Variants in DCLK2 observed in about 807,000 individuals in gnomAD.
DCLK2 encodes serine/threonine-protein kinase DCLK2.
DCLK2 carries 31 observed loss-of-function variants against 78.4 expected under a neutral mutation model. The ratio of observed to expected loss-of-function variants is 0.40; its 90% confidence interval spans 0.30 to 0.53. The LOEUF is 0.53. Ranked by LOEUF, DCLK2 falls within the 20% of genes least tolerant of loss-of-function variation. The pLI is 0.61. For synonymous variants in DCLK2, 407 were observed against 374.9 expected, an observed-to-expected ratio of 1.09 and a Z score of -0.99; for missense variants, 872 against 973.7, an observed-to-expected ratio of 0.90 and a Z score of 1.39.
At chr4:150,132,338 A>T (rs1414115499) in intron 2 of DCLK2, among the ~76,000 whole-genome samples, 1 of 152,194 alleles carries the variant, frequency 6.6e-6, no homozygotes, top group Non-Finnish European at 1.5e-5. Context: ...GGAAATTTAA[A>T]ATTCAGTGGG....
intron 1 of DCLK2, among the ~76,000 whole-genome samples, chr4:150,085,218 G>A (rs1312776939): frequency 1.3e-5 from 2 of 152,174 alleles, no homozygotes; most frequent in African/African-American, 2.4e-5. Flanking sequence ...CACCTGAGAG[G>A]AAATGGAGTC....
At chr4:150,121,338 T>A (rs1462119162) in intron 2 of DCLK2, among the ~76,000 whole-genome samples, 1 of 145,744 alleles carries the variant, frequency 6.9e-6, no homozygotes, top group Non-Finnish European at 1.5e-5. Context: ...ATATTCTAAA[T>A]CCTTTGTTGC....
chr4:150,220,474 A>T (rs902619982), intron 5 of DCLK2, among the ~76,000 whole-genome samples: 1 of 152,208 alleles, frequency 6.6e-6, no homozygotes, highest in Non-Finnish European at 1.5e-5. Flanking sequence ...ATAATTTCAA[A>T]AAAAGGTAAC....
chr4:150,136,524 G>T (rs1733692310), intron 2 of DCLK2, among the ~76,000 whole-genome samples: 1 of 152,224 alleles, frequency 6.6e-6, no homozygotes, highest in African/African-American at 2.4e-5. Context: ...AAGGAATGGG[G>T]TTTTTGTTTT....
At chr4:150,209,982 G>A (rs1053297405) in intron 5 of DCLK2, among the ~76,000 whole-genome samples, 1 of 152,198 alleles carries the variant, frequency 6.6e-6, no homozygotes, top group Non-Finnish European at 1.5e-5. Flanking sequence ...GGCTGAAGCA[G>A]GAGAATCCCT....
intron 2 of DCLK2, among the ~76,000 whole-genome samples, chr4:150,125,189 C>T (rs571298138): frequency 1.1e-3 from 168 of 152,132 alleles, no homozygotes; most frequent in Non-Finnish European, 1.8e-3. Context: ...GAACTTTTGT[C>T]CTTTGGTTTT....
In DCLK2 at chr4:150,239,724, G is replaced by T. The variant is rs745473196; in HGVS notation, c.1567-18G>T. 6.2e-7 allele frequency: 1 copy of T among 1,610,172 alleles called. No individual in the cohort carries two copies. Among genetic ancestry groups the T allele is most frequent in the Admixed American group, 1.7e-5 (1 of 59,032 alleles). On this transcript the variant is annotated intron_variant, in intron 10 of 15. Coordinates refer to ENST00000296550, the MANE Select transcript of DCLK2 (RefSeq NM_001040260.4). ...AGGAAAAAAAAATCTTCTGATTGTT[G>T]GCTGATTTCTGTTTCAGGTGTGTGA...
intron 4 of DCLK2, 73 bp downstream of exon 4, chr4:150,198,176 T>A: frequency 1.5e-6 from 2 of 1,374,102 alleles, no homozygotes; most frequent in Non-Finnish European, 1.0e-6. Flanking sequence ...CTAATTTTTA[T>A]GAATTAGTAG....
At chr4:150,158,989 A>C (rs1422550230) in intron 2 of DCLK2, among the ~76,000 whole-genome samples, 1 of 152,204 alleles carries the variant, frequency 6.6e-6, no homozygotes, top group Non-Finnish European at 1.5e-5. Flanking sequence ...CTTAGGGAGT[A>C]TGTTGAGAAG....
intron 2 of DCLK2, among the ~76,000 whole-genome samples, chr4:150,120,997 G>C (rs1732493981): frequency 1.3e-5 from 2 of 152,144 alleles, no homozygotes; most frequent in South Asian, 4.1e-4. Context: ...CTTATACCTG[G>C]GGGGCAGAGG....
intron 2 of DCLK2, among the ~76,000 whole-genome samples, chr4:150,143,284 G>A (rs575517671): frequency 4.9e-4 from 75 of 152,034 alleles, no homozygotes; most frequent in Middle Eastern, 3.4e-3. Flanking sequence ...GTCTTTATCC[G>A]GTCAACTGTT....
chr4:150,216,119 G>C (rs1254188896), intron 5 of DCLK2, among the ~76,000 whole-genome samples: 1 of 152,170 alleles, frequency 6.6e-6, no homozygotes, highest in Non-Finnish European at 1.5e-5. Context: ...ACAGAGAACA[G>C]TTCTTAACAT....
rs1199446103 is a variant in DCLK2 at position 150,203,840 on chromosome 4, A to T, written c.1007A>T (p.Lys336Ile). The T allele has an allele frequency of 1.2e-6, 2 of 1,614,004 alleles. No individual in the cohort carries two copies. Among genetic ancestry groups the T allele is most frequent in the Non-Finnish European group, 1.7e-6 (2 of 1,179,954 alleles). The change falls in exon 5 of 16, where the codon AAA (lysine) becomes ATA (isoleucine). Residue 336 changes from lysine (K) to isoleucine (I), a missense_variant. Lys to Ile is a moderately radical substitution (Grantham distance 102). Coordinates refer to ENST00000296550, the MANE Select transcript of DCLK2 (RefSeq NM_001040260.4). ...SSQLSTPKST[K>I]SSSSSPTSPG... The stretch of plus-strand genomic sequence containing the variant: ...CAACTTTCTACTCCTAAATCTACGA[A>T]ATCCTCCAGTTCCTCTCCAACTAGT...
intron 2 of DCLK2, among the ~76,000 whole-genome samples, chr4:150,127,316 G>A (rs1220600329): frequency 1.3e-5 from 2 of 152,148 alleles, no homozygotes; most frequent in African/African-American, 2.4e-5. Context: ...TATTACTGTG[G>A]TGTTTGCCAA....
chr4:150,181,534 G>T (rs2150282464), intron 2 of DCLK2, among the ~76,000 whole-genome samples: 1 of 152,036 alleles, frequency 6.6e-6, no homozygotes, highest in Middle Eastern at 3.4e-3. Flanking sequence ...CCAAATCTTT[G>T]GTCTCAGTAT....
intron 2 of DCLK2, among the ~76,000 whole-genome samples, chr4:150,133,941 CTAAT>C (rs1472019326): frequency 3.9e-5 from 6 of 152,014 alleles, no homozygotes; most frequent in African/African-American, 2.4e-5. Flanking sequence ...TTGTCCAGTT[CTAAT>C]TATTTGCTAA....
chr4:150,091,248 T>C (rs771858785), intron 1 of DCLK2, among the ~76,000 whole-genome samples: 1 of 152,252 alleles, frequency 6.6e-6, no homozygotes, highest in Non-Finnish European at 1.5e-5. Context: ...AATCATCTTG[T>C]AGAGGCAAAT....
intron 2 of DCLK2, among the ~76,000 whole-genome samples, chr4:150,189,762 C>T (rs1356133398): frequency 1.3e-5 from 2 of 151,854 alleles, no homozygotes; most frequent in African/African-American, 4.8e-5. Context: ...AACTCAGTTC[C>T]AATAGGAGAA....
intron 2 of DCLK2, among the ~76,000 whole-genome samples, chr4:150,113,011 A>C (rs750719395): frequency 2.0e-5 from 3 of 151,842 alleles, no homozygotes; most frequent in Non-Finnish European, 4.4e-5. Context: ...GAGTTTTGTC[A>C]TGTTGGCCAG....
Sources: gnomAD v4.1 joint callset for allele counts (sites outside exome capture counted in the v4.1 genomes callset) on GRCh38, gnomAD v4.1.1 for gene constraint, MANE v1.5 for transcripts, NCBI Gene and HGNC (gene_info 2026-07-23, HGNC 2026-07-21) for gene names.